RTF2: variants seen among roughly 807,000 people sequenced by gnomAD.
RTF2 encodes the protein replication termination factor 2, also known as UPF0549 protein C20orf43.
Under a neutral mutation model 38.0 loss-of-function variants are expected in RTF2, and 18 were observed. That is an observed-to-expected ratio of 0.47 (90% CI 0.33 to 0.70). RTF2 has a LOEUF of 0.70. Ranked by LOEUF, RTF2 falls within the 30% of genes least tolerant of loss-of-function variation. The pLI, the probability that RTF2 is intolerant of heterozygous loss-of-function variation, is 0.02. For synonymous variants in RTF2, 126 were observed against 137.1 expected, an observed-to-expected ratio of 0.92 and a Z score of 0.57; for missense variants, 311 against 379.6, an observed-to-expected ratio of 0.82 and a Z score of 1.50.
intron 5 of RTF2, among the ~76,000 whole-genome samples, chr20:56,491,135 A>G (rs1017989918): frequency 2.0e-5 from 3 of 152,226 alleles, no homozygotes; most frequent in South Asian, 4.1e-4. Flanking sequence ...CTTGCAGCCA[A>G]TGAGGACTGT....
chr20:56,470,535 T>C, intron 1 of RTF2: 1 of 454,554 alleles, frequency 2.2e-6, no homozygotes, highest in Non-Finnish European at 4.4e-6. Flanking sequence ...CCCTGGTTCC[T>C]AACGCAGAGC....
At chr20:56,477,769 C>T (rs974879924) in intron 4 of RTF2, among the ~76,000 whole-genome samples, 6 of 152,160 alleles carry the variant, frequency 3.9e-5, no homozygotes, top group Middle Eastern at 3.2e-3. Context: ...CCTCCCAAAG[C>T]GCTGGGATAA....
chr20:56,489,221 A>ATTTT (rs11481363), intron 5 of RTF2, among the ~76,000 whole-genome samples: 5 of 136,750 alleles, frequency 3.7e-5, no homozygotes, highest in African/African-American at 1.4e-4. Context: ...ATGCCTGGTT[A>ATTTT]TTTTTTTTTT....
chr20:56,499,140 A>G (rs1042363320), intron 5 of RTF2, among the ~76,000 whole-genome samples: 1 of 152,054 alleles, frequency 6.6e-6, no homozygotes, highest in African/African-American at 2.4e-5. Context: ...TGCCCCAAAC[A>G]TGGAACCTTA....
intron 5 of RTF2, chr20:56,504,301 AACAAAATGAGACAACAGAAGACGCCTG>A (rs1984119841): frequency 6.6e-6 from 1 of 152,146 alleles, no homozygotes; most frequent in South Asian, 2.1e-4. Flanking sequence ...CTTCCTGAAA[AACAAAATGAGACAACAGAAGACGCCTG>A]ACCCAGATGA....
chr20:56,476,502 C>CTT (rs11472534), intron 3 of RTF2, among the ~76,000 whole-genome samples: 54,534 of 142,176 alleles, frequency 0.38, 10,926 homozygotes, highest in East Asian at 0.64. Context: ...TTTCTGTTTT[C>CTT]TTTTTTTTTT....
chr20:56,468,711 G>A lies in RTF2; in HGVS notation c.14G>A (p.Gly5Glu). Residue 5 changes from glycine to glutamate, a missense_variant, in exon 1 of 9, where the codon GGG becomes GAG. Coordinates refer to ENST00000357348, the MANE Select transcript of RTF2 (RefSeq NM_016407.5). The stretch of plus-strand genomic sequence containing the variant: ...TCCCGTCCTGCGATGGGTTGCGACG[G>A]GGGAACAATCCCCAAGAGGCATGAA... MGCD[G>E]GTIPKRHELV... is the part of the protein sequence containing the mutation. 6.3e-7 allele frequency: 1 copy of A among 1,586,150 alleles called. No homozygotes were observed. Among genetic ancestry groups the A allele is most frequent in the Non-Finnish European group, 8.6e-7 (1 of 1,166,392 alleles).
rs767843143 is a variant in RTF2, at chr20:56,518,043, A to G, written c.743-44A>G. ...TTCTGAGGATGCGAAGTTTAGAATC[A>G]TCTTTATCCCAACCCTGACAGTTTT... On this transcript the variant is annotated intron_variant, in intron 8 of 8. Coordinates refer to ENST00000357348, the MANE Select transcript of RTF2 (RefSeq NM_016407.5). 9 of 1,562,674 alleles carry G rather than the reference A, an allele frequency of 5.8e-6. No individual in the cohort carries two copies. The South Asian group carries it at 8.5e-5, about 15-fold the overall frequency.
intron 5 of RTF2, chr20:56,497,360 G>A: frequency 6.4e-7 from 1 of 1,550,500 alleles, no homozygotes; most frequent in Non-Finnish European, 8.7e-7. Flanking sequence ...TTCCTGGTGT[G>A]TGTAAATGAG....
chr20:56,470,955 T>C (rs1265182087), intron 1 of RTF2: 3 of 240,884 alleles, frequency 1.2e-5, no homozygotes, highest in African/African-American at 6.6e-5. Context: ...ACTAAACTCT[T>C]TCCCCATATC....
chr20:56,512,146 C>G (rs1027363319), intron 5 of RTF2, among the ~76,000 whole-genome samples: 1 of 152,150 alleles, frequency 6.6e-6, no homozygotes, highest in South Asian at 2.1e-4. Context: ...CGCGCCCAGT[C>G]TTAGACCCCT....
At chr20:56,490,293 T>G (rs1983037107) in intron 5 of RTF2, among the ~76,000 whole-genome samples, 2 of 152,264 alleles carry the variant, frequency 1.3e-5, no homozygotes, top group African/African-American at 4.8e-5. Context: ...AAATCTCTTG[T>G]ATGTTGTGCT....
Position 56,484,015 on chromosome 20 carries a change from T to C in RTF2, c.399-96T>C, listed in dbSNP as rs973470919. 7.9e-6 allele frequency: 8 copies of C among 1,013,722 alleles called. No homozygotes were observed. In the African/African-American group the frequency reaches 1.1e-4, roughly 14 times the overall value. The allele number at this position is 1,013,722 out of a possible 1,614,324, so 62.8% of individuals were successfully genotyped here. ...TTTAATAGAGTAAAATGTAACTATT[T>C]TAATCTTTGTGGTTCTTGGCCTTTG... On this transcript the variant is annotated intron_variant, in intron 4 of 8. Coordinates refer to ENST00000357348, the MANE Select transcript of RTF2 (RefSeq NM_016407.5).
At chr20:56,492,848 C>G (rs533435051) in intron 5 of RTF2, among the ~76,000 whole-genome samples, 4 of 150,184 alleles carry the variant, frequency 2.7e-5, no homozygotes, top group Admixed American at 6.7e-5. Context: ...TTCCTGCTCT[C>G]TTTCCTCACA....
rs368538769 is a variant in RTF2 at position 56,481,491 on chromosome 20, C to T, written c.399-2620C>T. Among the ~76,000 whole-genome samples the T allele has an allele frequency of 9.0e-4, 137 of 152,252 alleles. 2 individuals carry two copies. The highest frequency in any genetic ancestry group is 3.1e-3 in the African/African-American group (130 of 41,558). On this transcript the variant is annotated intron_variant, in intron 4 of 8. Coordinates refer to ENST00000357348, the MANE Select transcript of RTF2 (RefSeq NM_016407.5). ...TTCTTCAAATAATCTGAATTTAAAC[C>T]GCTTAGGGCTCTCTTTTAAACCACC...
intron 3 of RTF2, among the ~76,000 whole-genome samples, chr20:56,475,512 C>G (rs533972166): frequency 1.3e-5 from 2 of 152,142 alleles, no homozygotes. Context: ...ATTCATAATT[C>G]TGAAATGTAG....
chr20:56,495,074 T>C (rs1983424709), intron 5 of RTF2: 23 of 680,862 alleles, frequency 3.4e-5, no homozygotes, highest in Non-Finnish European at 5.5e-5. Flanking sequence ...CTATACTAAT[T>C]GGATCATCAC....
At chr20:56,485,459 A>C (rs189205275) in intron 5 of RTF2, among the ~76,000 whole-genome samples, 38 of 152,344 alleles carry the variant, frequency 2.5e-4, no homozygotes, top group Non-Finnish European at 4.6e-4. Flanking sequence ...TTCGAAGAGC[A>C]GCAGGAAGCC....
intron 5 of RTF2, chr20:56,495,051 A>T (rs1983422817): frequency 1.7e-6 from 1 of 597,280 alleles, no homozygotes; most frequent in Non-Finnish European, 2.9e-6. Flanking sequence ...TTTTTTTAAA[A>T]AATTGACTCA....
Sources: allele counts gnomAD v4.1 joint callset (sites outside exome capture counted in the v4.1 genomes callset), GRCh38; gene constraint gnomAD v4.1.1; transcripts MANE v1.5; gene names NCBI Gene and HGNC (gene_info 2026-07-23, HGNC 2026-07-21).